Variants in EIF5 observed in about 807,000 individuals in gnomAD.
The protein encoded by EIF5 is eukaryotic translation initiation factor 5.
EIF5 carries 10 observed loss-of-function variants against 48.3 expected under a neutral mutation model. That is an observed-to-expected ratio of 0.21 (90% CI 0.13 to 0.35). The LOEUF (loss-of-function observed/expected upper bound fraction) is 0.35, where lower values mean the gene tolerates loss of function less well. EIF5 is among the 10% of genes least tolerant of loss of function. EIF5 has a pLI of 1.00. For synonymous variants in EIF5, 237 were observed against 173.1 expected (o/e 1.37, Z -2.90); for missense variants, 397 against 533.2 (o/e 0.74, Z 2.51).
In EIF5 at chr14:103,344,941, A is replaced by C. The variant is rs1041708362; in HGVS notation, c.*3889A>C. 6.6e-6 allele frequency: 1 copy of C among 152,232 alleles called. No homozygotes were observed. Among genetic ancestry groups the C allele is most frequent in the Non-Finnish European group, 1.5e-5 (1 of 68,042 alleles). The allele number at this position is 152,232 out of a possible 1,614,324, so 9.4% of individuals were successfully genotyped here. On this transcript the variant is annotated 3_prime_UTR_variant, in exon 12 of 12. Coordinates refer to ENST00000216554, the MANE Select transcript of EIF5 (RefSeq NM_001969.5). The stretch of plus-strand genomic sequence containing the variant: ...ATGTTGAAAGGATGAAAAAAGGTAT[A>C]GTAGACATACACTAACCAAAAATGT...
Position 103,339,873 on chromosome 14 carries a change from T to C in EIF5, c.1071+70T>C, listed in dbSNP as rs3783392. 3.2e-5 allele frequency: 49 copies of C among 1,517,752 alleles called. No individual in the cohort carries two copies. In the African/African-American group the frequency reaches 6.0e-4, roughly 19 times the overall value. 94.0% of individuals were successfully genotyped at this position (1,517,752 alleles called of 1,614,324 possible). The stretch of plus-strand genomic sequence containing the variant: ...GGGTTTTTTTGTTTGGTTGATTGTT[T>C]TTGGAGACGGAGTCTCATTCTGTTG... On this transcript the variant is annotated intron_variant, in intron 10 of 11. Transcript: ENST00000216554.
chr14:103,339,979 C>T (rs1415065441), intron 10 of EIF5, among the ~76,000 whole-genome samples, 176 bp downstream of exon 10: 2 of 152,152 alleles, frequency 1.3e-5, no homozygotes, highest in African/African-American at 4.8e-5. Flanking sequence ...CTGCCTCAGC[C>T]TCCCAAGTAG....
At position 103,342,473 on chromosome 14, in the gene EIF5, G is replaced by A. The variant is rs2089365049; in HGVS notation, c.*1421G>A. On this transcript the variant is annotated 3_prime_UTR_variant, in exon 12 of 12. Coordinates refer to ENST00000216554, the MANE Select transcript of EIF5 (RefSeq NM_001969.5). ...ACCCTTTTCACAAAGTGCACAGTGG[G>A]AATCGAGAATCGATAGGGTTAATTT... The A allele has an allele frequency of 6.6e-6, 1 of 152,198 alleles. No individual in the cohort carries two copies. The highest frequency in any genetic ancestry group is 2.4e-5 in the African/African-American group (1 of 41,438). The allele number at this position is 152,198 out of a possible 1,614,324, so 9.4% of individuals were successfully genotyped here. A position where few individuals can be genotyped will look rare whatever the true frequency, so the allele number is the denominator to read the frequency against.
chr14:103,334,622 GGAGATGGCGGCCGCAC>G (rs1468989016), intron 2 of EIF5, 25 bp downstream of exon 2: 2 of 151,370 alleles, frequency 1.3e-5, no homozygotes, highest in African/African-American at 4.9e-5. Flanking sequence ...CGGCGGGCCA[GGAGATGGCGGCCGCAC>G]AAGATGGCGG....
Position 103,342,882 on chromosome 14 carries a change from A to C in EIF5, c.*1830A>C, listed in dbSNP as rs2089370296. ...ATTCTGTAGGAGATACTGGTGACCT[A>C]AGCTAAGTTGCACTCAGCATACTCA... On this transcript the variant is annotated 3_prime_UTR_variant, in exon 12 of 12. Coordinates refer to ENST00000216554, the MANE Select transcript of EIF5 (RefSeq NM_001969.5). The C allele has an allele frequency of 6.6e-6, 1 of 152,616 alleles. No individual in the cohort carries two copies. Among genetic ancestry groups the C allele is most frequent in the South Asian group, 2.1e-4 (1 of 4,834 alleles). 9.5% of individuals were successfully genotyped at this position (152,616 alleles called of 1,614,324 possible). A position where few individuals can be genotyped will look rare whatever the true frequency, so the allele number is the denominator to read the frequency against.
chr14:103,338,702 C>G, intron 7 of EIF5, 33 bp from the exon 8 acceptor site: 2 of 1,601,678 alleles, frequency 1.2e-6, no homozygotes, highest in Non-Finnish European at 1.7e-6. Context: ...GTTTTTAAGG[C>G]CTTTGATCAA....
chr14:103,339,887 C>T, intron 10 of EIF5, 84 bp downstream of exon 10: 6 of 1,451,968 alleles, frequency 4.1e-6, no homozygotes, highest in Non-Finnish European at 5.5e-6. Context: ...GAGACGGAGT[C>T]TCATTCTGTT....
At chr14:103,334,356 C>T (rs921143654) in intron 1 of EIF5, 33 bp from the exon 2 acceptor site, 4 of 152,276 alleles carry the variant, frequency 2.6e-5, no homozygotes, top group Admixed American at 1.3e-4. Flanking sequence ...TCCCCGACCG[C>T]CCACGGCTCA....
chr14:103,337,831 A>T, intron 6 of EIF5: 1 of 509,548 alleles, frequency 2.0e-6, no homozygotes, highest in Non-Finnish European at 3.9e-6. Context: ...GGCCCCCTTC[A>T]TTAAACTTGA....
In EIF5 at chr14:103,344,187, C is replaced by G. The variant is rs1425942449; in HGVS notation, c.*3135C>G. The stretch of plus-strand genomic sequence containing the variant: ...GGTAGTCTCATTGTAGGTTTGTGCA[C>G]CAGAGTGACCCTGTGAGCCTTTGTT... On this transcript the variant is annotated 3_prime_UTR_variant, in exon 12 of 12. Transcript: ENST00000216554. The G allele has an allele frequency of 6.6e-6, 1 of 152,146 alleles. No individual in the cohort carries two copies. Among genetic ancestry groups the G allele is most frequent in the Non-Finnish European group, 1.5e-5 (1 of 68,048 alleles). The allele number at this position is 152,146 out of a possible 1,614,324, so 9.4% of individuals were successfully genotyped here.
chr14:103,343,866 C>T lies in EIF5; in HGVS notation c.*2814C>T, dbSNP rs574159929. 2 of 152,192 alleles carry T rather than the reference C, an allele frequency of 1.3e-5. No individual in the cohort carries two copies. The highest frequency in any genetic ancestry group is 2.9e-5 in the Non-Finnish European group (2 of 68,030). 9.4% of individuals were successfully genotyped at this position (152,192 alleles called of 1,614,324 possible). A position where few individuals can be genotyped will look rare whatever the true frequency, so the allele number is the denominator to read the frequency against. On this transcript the variant is annotated 3_prime_UTR_variant, in exon 12 of 12. Coordinates refer to ENST00000216554, the MANE Select transcript of EIF5 (RefSeq NM_001969.5). Reference sequence around the variant, plus strand: ...TTATTTGACAAGTCTGCAGACAATCCTTATCTAACCAGCTATTTTCTTAAT... The same window carrying T: ...TTATTTGACAAGTCTGCAGACAATCTTTATCTAACCAGCTATTTTCTTAAT...
Position 103,340,314 on chromosome 14 carries a change from G to C in EIF5, c.1072-113G>C, listed in dbSNP as rs934996078. ...TTCACTGAGTACATTGATTCTGTTT[G>C]AGGATTCAGACTTGTTAGGACCCAG... is the stretch of plus-strand genomic sequence containing the variant. On this transcript the variant is annotated intron_variant, in intron 10 of 11. Coordinates refer to ENST00000216554, the MANE Select transcript of EIF5 (RefSeq NM_001969.5). The C allele has an allele frequency of 2.6e-6, 3 of 1,148,148 alleles. No individual in the cohort carries two copies. In the Admixed American group the frequency reaches 6.6e-5, roughly 25 times the overall value. The allele number at this position is 1,148,148 out of a possible 1,614,324, so 71.1% of individuals were successfully genotyped here.
intron 5 of EIF5, 81 bp downstream of exon 5, chr14:103,336,930 A>G (rs2089293815): frequency 6.8e-7 from 1 of 1,479,550 alleles, no homozygotes; most frequent in African/African-American, 1.4e-5. Context: ...CTGAGAAGGC[A>G]GAGCAAATGT....
rs999616228 is a variant in EIF5 at position 103,342,572 on chromosome 14, A to G, written c.*1520A>G. On this transcript the variant is annotated 3_prime_UTR_variant, in exon 12 of 12. Transcript: ENST00000216554. ...ACAGATAATGAGACCTTAATAACAA[A>G]TAGGCGTAAAAAAATTTTCACATTG... 2.0e-5 allele frequency: 3 copies of G among 152,394 alleles called. No individual in the cohort carries two copies. The highest frequency in any genetic ancestry group is 4.4e-5 in the Non-Finnish European group (3 of 68,042). 9.4% of individuals were successfully genotyped at this position (152,394 alleles called of 1,614,324 possible). A position where few individuals can be genotyped will look rare whatever the true frequency, so the allele number is the denominator to read the frequency against.
intron 6 of EIF5, chr14:103,337,906 G>A (rs1169039467): frequency 1.9e-6 from 1 of 523,110 alleles, no homozygotes; most frequent in South Asian, 1.4e-5. Context: ...GCTTGCTATA[G>A]CAAGAAAGTC....
Position 103,335,670 on chromosome 14 carries a change from T to C in EIF5, c.-191T>C, listed in dbSNP as rs2089276676. On this transcript the variant is annotated 5_prime_UTR_variant, in exon 3 of 12. Transcript: ENST00000216554. ...TCTTTCAGAGCTGTTGCGCAGCCAT[T>C]GGTACCTGTATTGGGGAAACATAGC... 1.7e-6 allele frequency: 1 copy of C among 597,302 alleles called. No homozygotes were observed. Among genetic ancestry groups the C allele is most frequent in the East Asian group, 2.8e-5 (1 of 36,042 alleles). 37.0% of individuals were successfully genotyped at this position (597,302 alleles called of 1,614,324 possible).
intron 11 of EIF5, 100 bp from the exon 12 acceptor site, chr14:103,340,863 G>A (rs971980589): frequency 1.7e-6 from 2 of 1,166,402 alleles, no homozygotes; most frequent in African/African-American, 3.0e-5. Context: ...AGAAATAGCT[G>A]CATCTAGGCA....
In EIF5 at chr14:103,342,716, C is replaced by A. The variant is rs1159068821; in HGVS notation, c.*1664C>A. On this transcript the variant is annotated 3_prime_UTR_variant, in exon 12 of 12. Coordinates refer to ENST00000216554, the MANE Select transcript of EIF5 (RefSeq NM_001969.5). ...TCTCCAGCTGCCTTTGATCAAGATT[C>A]GGGTGCAAGTGGAGCAGGAGCCATA... 2.0e-5 allele frequency: 3 copies of A among 152,618 alleles called. No individual in the cohort carries two copies. The highest frequency in any genetic ancestry group is 4.4e-5 in the Non-Finnish European group (3 of 68,028). The allele number at this position is 152,618 out of a possible 1,614,324, so 9.5% of individuals were successfully genotyped here.
rs756257387 is a variant in EIF5, at chr14:103,337,644, C to T, written c.439+417C>T. 9.2e-6 allele frequency: 3 copies of T among 326,354 alleles called. 1 individual carries two copies. Among genetic ancestry groups the T allele is most frequent in the South Asian group, 7.4e-5 (3 of 40,302 alleles). The allele number at this position is 326,354 out of a possible 1,614,324, so 20.2% of individuals were successfully genotyped here. Reference sequence around the variant, plus strand: ...TTTTAGTCCTTGTACTATATTTTATCAAATCTAAGACATCTTTCAAAAGTG... The same window carrying T: ...TTTTAGTCCTTGTACTATATTTTATTAAATCTAAGACATCTTTCAAAAGTG... On this transcript the variant is annotated intron_variant, in intron 6 of 11. Coordinates refer to ENST00000216554, the MANE Select transcript of EIF5 (RefSeq NM_001969.5).
Sources: gnomAD v4.1 joint callset for allele counts (sites outside exome capture counted in the v4.1 genomes callset) on GRCh38, gnomAD v4.1.1 for gene constraint, MANE v1.5 for transcripts, NCBI Gene and HGNC (gene_info 2026-07-23, HGNC 2026-07-21) for gene names.